ANKS1B: variants seen among roughly 807,000 people sequenced by gnomAD.
The protein encoded by ANKS1B is ankyrin repeat and sterile alpha motif domain-containing protein 1B.
In ANKS1B, 36 loss-of-function variants were observed where a neutral mutation model predicts 148.3. The observed-to-expected ratio is 0.24, with a 90% confidence interval of 0.19 to 0.32. The LOEUF is 0.32. Among genes scored for constraint, ANKS1B ranks in the 10% least tolerant of loss-of-function variants. The pLI, the probability that ANKS1B is intolerant of heterozygous loss-of-function variation, is 1.00. For missense variants in ANKS1B, 1,157 were observed against 1,542.6 expected (o/e 0.75, Z 4.19); for synonymous variants, 542 against 560.8 (o/e 0.97, Z 0.47).
intron 17 of ANKS1B, among the ~76,000 whole-genome samples, chr12:98,993,135 C>T (rs2099927614): frequency 6.6e-6 from 1 of 152,068 alleles, no homozygotes; most frequent in African/African-American, 2.4e-5. Flanking sequence ...AGGCTGTTTT[C>T]TTCATAGTTG....
intron 17 of ANKS1B, among the ~76,000 whole-genome samples, chr12:98,842,549 C>T (rs1319774732): frequency 6.6e-6 from 1 of 152,176 alleles, no homozygotes; most frequent in Non-Finnish European, 1.5e-5. Flanking sequence ...CAACTGTATA[C>T]ATAAAATGGG....
intron 12 of ANKS1B, among the ~76,000 whole-genome samples, chr12:99,396,490 T>C (rs2094247137): frequency 6.6e-6 from 1 of 152,180 alleles, no homozygotes; most frequent in African/African-American, 2.4e-5. Flanking sequence ...GGTGATATAT[T>C]ATCTTAGAAA....
chr12:99,156,061 C>T (rs2076015586), intron 14 of ANKS1B, among the ~76,000 whole-genome samples: 1 of 152,100 alleles, frequency 6.6e-6, no homozygotes, highest in Non-Finnish European at 1.5e-5. Flanking sequence ...ATAAATGAAA[C>T]ATCGCTTTTC....
At chr12:98,843,702 G>C (rs1186228547) in intron 17 of ANKS1B, among the ~76,000 whole-genome samples, 1 of 152,210 alleles carries the variant, frequency 6.6e-6, no homozygotes, top group East Asian at 1.9e-4. Flanking sequence ...AGGTGTGCCA[G>C]GGTGGGGTGG....
chr12:99,518,834 GTTTC>G (rs1290363321), intron 9 of ANKS1B, among the ~76,000 whole-genome samples: 1 of 151,848 alleles, frequency 6.6e-6, no homozygotes, highest in Non-Finnish European at 1.5e-5. Context: ...TATTTGAAGT[GTTTC>G]TTCCTTTTGA....
At chr12:99,926,691 G>T (rs2094485010) in intron 1 of ANKS1B, among the ~76,000 whole-genome samples, 1 of 152,106 alleles carries the variant, frequency 6.6e-6, no homozygotes, top group Admixed American at 6.5e-5. Flanking sequence ...ATATACATAT[G>T]CACATATCCT....
Position 99,561,905 on chromosome 12 carries a change from A to G in ANKS1B, c.1273-57264T>C, listed in dbSNP as rs557505842. On this transcript the variant is annotated intron_variant, in intron 9 of 26. Transcript: ENST00000683438. ...GTAAATCCTTTCTAGAAGGTTTTCA[A>G]TTTACCTTTCCCAGATCCATCAAAG... Among the ~76,000 whole-genome samples, 20 of 152,322 alleles carry G rather than the reference A, an allele frequency of 1.3e-4. No individual in the cohort carries two copies. The South Asian group carries it at 2.3e-3, about 17-fold the overall frequency.
At chr12:99,876,331 A>T (rs2092041364) in intron 1 of ANKS1B, among the ~76,000 whole-genome samples, 1 of 152,146 alleles carries the variant, frequency 6.6e-6, no homozygotes, top group South Asian at 2.1e-4. Flanking sequence ...CAAAAGCAAG[A>T]CCCTCTCTGC....
chr12:99,547,915 T>G (rs1235535255), intron 9 of ANKS1B, among the ~76,000 whole-genome samples: 1 of 152,186 alleles, frequency 6.6e-6, no homozygotes, highest in Non-Finnish European at 1.5e-5. Flanking sequence ...TACAAAACTG[T>G]TGGCAGAAGA....
At chr12:99,592,362 C>G (rs979391571) in intron 9 of ANKS1B, among the ~76,000 whole-genome samples, 1 of 150,898 alleles carries the variant, frequency 6.6e-6, no homozygotes, top group Non-Finnish European at 1.5e-5. Flanking sequence ...TGGCAAAGCA[C>G]AAGTGGAAGG....
chr12:99,246,229 A>G, intron 13 of ANKS1B, 46 bp downstream of exon 13: 1 of 1,404,652 alleles, frequency 7.1e-7, no homozygotes, highest in Non-Finnish European at 9.4e-7. Flanking sequence ...AACCTCCCTC[A>G]ACTGCAAAGC....
intron 17 of ANKS1B, among the ~76,000 whole-genome samples, chr12:99,006,022 A>C (rs1247187016): frequency 6.6e-6 from 1 of 152,186 alleles, no homozygotes; most frequent in Non-Finnish European, 1.5e-5. Flanking sequence ...CAAGCAAAGC[A>C]CCTTGGTTGA....
intron 1 of ANKS1B, among the ~76,000 whole-genome samples, chr12:99,902,394 G>GA (rs1332459392): frequency 2.6e-5 from 4 of 152,210 alleles, no homozygotes; most frequent in Non-Finnish European, 4.4e-5. Context: ...AAGCTAAACA[G>GA]AAGCCAGACT....
At chr12:99,534,859 G>A (rs1201162540) in intron 9 of ANKS1B, among the ~76,000 whole-genome samples, 3 of 151,580 alleles carry the variant, frequency 2.0e-5, no homozygotes, top group Admixed American at 6.6e-5. Context: ...ACAGGCACCT[G>A]CCACCACACC....
chr12:99,291,710 A>AACCT (rs142960379), intron 12 of ANKS1B, among the ~76,000 whole-genome samples: 2,863 of 152,236 alleles, frequency 0.019, 91 homozygotes, highest in African/African-American at 0.065. Flanking sequence ...ACAAAACTAG[A>AACCT]ACCTATCTCT....
intron 12 of ANKS1B, among the ~76,000 whole-genome samples, chr12:99,364,703 G>C (rs1229616559): frequency 6.6e-6 from 1 of 152,120 alleles, no homozygotes; most frequent in Admixed American, 6.6e-5. Flanking sequence ...TTGTTTTCTG[G>C]TCATGTTTTT....
Position 99,504,586 on chromosome 12 carries a change from A to G in ANKS1B, c.1328T>C (p.Leu443Pro), listed in dbSNP as rs2096687803. 1 of 1,611,810 alleles carries G rather than the reference A, an allele frequency of 6.2e-7. No individual in the cohort carries two copies. Among genetic ancestry groups the G allele is most frequent in the Admixed American group, 1.7e-5 (1 of 59,662 alleles). The change falls in exon 10 of 27, where the codon CTG becomes CCG. Residue 443 changes from leucine (L) to proline (P), a missense_variant. Transcript: ENST00000683438. Reference sequence around the variant, plus strand: ...CTCATTTTCTGAAGGAAATGTATCCAGAGAAGCAGATGGTACAATTTCCAT... The same window carrying G: ...CTCATTTTCTGAAGGAAATGTATCCGGAGAAGCAGATGGTACAATTTCCAT... ...YTMEIVPSAS[L>P]DTFPSENENF...
intron 18 of ANKS1B, 46 bp downstream of exon 18, chr12:98,831,983 T>C (rs2099320794): frequency 1.3e-6 from 2 of 1,511,518 alleles, no homozygotes; most frequent in Admixed American, 3.9e-5. Context: ...AACAAATAGT[T>C]CTTAAGATAA....
chr12:99,885,207 G>A (rs941249401), intron 1 of ANKS1B, among the ~76,000 whole-genome samples: 5 of 151,092 alleles, frequency 3.3e-5, no homozygotes, highest in African/African-American at 1.2e-4. Context: ...CAGCTTAAAC[G>A]TTATTTTTTC....
Sources: allele counts gnomAD v4.1 joint callset (sites outside exome capture counted in the v4.1 genomes callset), GRCh38; gene constraint gnomAD v4.1.1; transcripts MANE v1.5; gene names NCBI Gene and HGNC (gene_info 2026-07-23, HGNC 2026-07-21).